RAPGEF4: variants seen among roughly 807,000 people sequenced by gnomAD.
RAPGEF4 encodes the protein Rap guanine nucleotide exchange factor 4.
RAPGEF4 carries 66 observed loss-of-function variants against 147.9 expected under a neutral mutation model. The ratio of observed to expected loss-of-function variants is 0.45; its 90% CI spans 0.37 to 0.55. The LOEUF (loss-of-function observed/expected upper bound fraction) is 0.55, where lower values mean the gene tolerates loss of function less well. RAPGEF4 is among the 20% of genes least tolerant of loss of function. The pLI, the probability that RAPGEF4 is intolerant of heterozygous loss-of-function variation, is 0.00. For synonymous variants in RAPGEF4, 419 were observed against 442.7 expected, an observed-to-expected ratio of 0.95 and a Z score of 0.67; for missense variants, 1,071 against 1,257.3, an observed-to-expected ratio of 0.85 and a Z score of 2.24.
chr2:172,981,390 A>T (rs1691668815), intron 10 of RAPGEF4, among the ~76,000 whole-genome samples: 1 of 152,186 alleles, frequency 6.6e-6, no homozygotes. Flanking sequence ...CAAAATCCCC[A>T]TGTCCAAGTC....
intron 1 of RAPGEF4, among the ~76,000 whole-genome samples, chr2:172,760,125 T>C (rs910615102): frequency 2.6e-5 from 4 of 152,188 alleles, no homozygotes; most frequent in Non-Finnish European, 2.9e-5. Context: ...AACTTTCAGA[T>C]AACTGCTCTA....
At chr2:172,967,502 A>G (rs1575398814) in intron 10 of RAPGEF4, 58 bp downstream of exon 10, 13 of 1,527,328 alleles carry the variant, frequency 8.5e-6, no homozygotes, top group African/African-American at 1.4e-5. Flanking sequence ...GTGCATAGAC[A>G]TACCATGAGG....
In RAPGEF4 at chr2:172,754,985, G is replaced by C. The variant is rs1385366315; in HGVS notation, c.65+18937G>C. 5.9e-5 allele frequency among the ~76,000 whole-genome samples: 9 copies of C among 152,280 alleles called. No homozygotes were observed. In the East Asian group the frequency reaches 1.5e-3, roughly 26 times the overall value. On this transcript the variant is annotated intron_variant, in intron 1 of 30. Transcript: ENST00000397081. ...ATGAACCCAGGATGCAGAGTTTGCA[G>C]TGAGCCAAGATCACACCACTGCACT...
chr2:173,010,000 G>C (rs1694856198), intron 17 of RAPGEF4, among the ~76,000 whole-genome samples: 1 of 152,100 alleles, frequency 6.6e-6, no homozygotes, highest in Non-Finnish European at 1.5e-5. Flanking sequence ...CAACAACATA[G>C]GTAAAAAGAG....
chr2:172,965,399 T>C (rs1689721968), intron 8 of RAPGEF4, 163 bp from the exon 9 acceptor site: 1 of 789,960 alleles, frequency 1.3e-6, no homozygotes, highest in South Asian at 1.7e-5. Context: ...GTATTAGCAT[T>C]TGAGAACCTG....
At chr2:172,802,312 C>T (rs1464540068) in intron 3 of RAPGEF4, among the ~76,000 whole-genome samples, 4 of 152,186 alleles carry the variant, frequency 2.6e-5, no homozygotes, top group Non-Finnish European at 5.9e-5. Context: ...GTTTATTGGA[C>T]TTATAGTTCC....
chr2:172,861,986 G>A (rs1304970759), intron 4 of RAPGEF4, among the ~76,000 whole-genome samples: 1 of 152,238 alleles, frequency 6.6e-6, no homozygotes, highest in African/African-American at 2.4e-5. Context: ...TTTTCAAAGA[G>A]TCTTTGTCGA....
chr2:172,915,224 A>G (rs1034541452), intron 4 of RAPGEF4, among the ~76,000 whole-genome samples: 1 of 152,238 alleles, frequency 6.6e-6, no homozygotes, highest in African/African-American at 2.4e-5. Context: ...GTCTTATTAA[A>G]TGAATTATTT....
chr2:172,805,319 G>C (rs79861043), intron 3 of RAPGEF4, among the ~76,000 whole-genome samples: 1 of 152,126 alleles, frequency 6.6e-6, no homozygotes, highest in Admixed American at 6.5e-5. Context: ...CCTTGAAAAC[G>C]TGTTTGTCCT....
chr2:172,777,130 A>G (rs1248396619), intron 1 of RAPGEF4, among the ~76,000 whole-genome samples: 1 of 152,062 alleles, frequency 6.6e-6, no homozygotes. Context: ...GCTTATTTTT[A>G]AGCTTTATTA....
At chr2:172,813,520 C>A (rs1688214766) in intron 3 of RAPGEF4, among the ~76,000 whole-genome samples, 1 of 152,178 alleles carries the variant, frequency 6.6e-6, no homozygotes, top group African/African-American at 2.4e-5. Flanking sequence ...ATACAAAAAT[C>A]TTGTAAACTT....
At chr2:172,811,101 G>C (rs964596659) in intron 3 of RAPGEF4, among the ~76,000 whole-genome samples, 6 of 152,234 alleles carry the variant, frequency 3.9e-5, no homozygotes, top group Admixed American at 2.0e-4. Flanking sequence ...GGAAGCTGGG[G>C]TGTTTATCTT....
intron 4 of RAPGEF4, among the ~76,000 whole-genome samples, chr2:172,885,576 T>C (rs150089366): frequency 7.2e-4 from 110 of 152,296 alleles, no homozygotes; most frequent in African/African-American, 2.3e-3. Flanking sequence ...AAAAGGCACT[T>C]CTTATGTGGC....
intron 6 of RAPGEF4, among the ~76,000 whole-genome samples, chr2:172,952,406 A>C (rs1367278174): frequency 6.6e-6 from 1 of 152,200 alleles, no homozygotes; most frequent in Non-Finnish European, 1.5e-5. Context: ...TAGATTTGTA[A>C]AAGGAGGAGG....
At chr2:172,746,091 T>A (rs1445235278) in intron 1 of RAPGEF4, among the ~76,000 whole-genome samples, 1 of 152,206 alleles carries the variant, frequency 6.6e-6, no homozygotes, top group African/African-American at 2.4e-5. Context: ...CCGTTAACAA[T>A]GATTATGATT....
intron 4 of RAPGEF4, among the ~76,000 whole-genome samples, chr2:172,854,721 C>T (rs1250682520): frequency 6.6e-6 from 1 of 151,774 alleles, no homozygotes; most frequent in African/African-American, 2.4e-5. Flanking sequence ...TAGTTTGGTT[C>T]CCTAGGAAGC....
intron 1 of RAPGEF4, among the ~76,000 whole-genome samples, chr2:172,759,009 C>A (rs1696046039): frequency 6.6e-6 from 1 of 152,058 alleles, no homozygotes; most frequent in South Asian, 2.1e-4. Context: ...ACCAATGAAG[C>A]AGGAAGAAGA....
At chr2:173,031,318 G>A (rs1250705229) in intron 26 of RAPGEF4, among the ~76,000 whole-genome samples, 1 of 152,190 alleles carries the variant, frequency 6.6e-6, no homozygotes, top group Non-Finnish European at 1.5e-5. Context: ...TGCGTGCCAT[G>A]CAGCTATATC....
chr2:172,839,498 G>C (rs897034892), intron 4 of RAPGEF4, among the ~76,000 whole-genome samples: 1 of 152,086 alleles, frequency 6.6e-6, no homozygotes, highest in Admixed American at 6.5e-5. Flanking sequence ...TGGTGGGAGT[G>C]TAACAGTGAG....
Sources: allele counts gnomAD v4.1 joint callset (sites outside exome capture counted in the v4.1 genomes callset), GRCh38; gene constraint gnomAD v4.1.1; transcripts MANE v1.5; gene names NCBI Gene and HGNC (gene_info 2026-07-23, HGNC 2026-07-21).